Variants in CLPSL1 observed in about 807,000 individuals in gnomAD.
CLPSL1 encodes the protein colipase like 1, also known as colipase-like protein 1.
A neutral mutation model predicts 9.3 loss-of-function variants in CLPSL1; 13 were observed. The ratio of observed to expected loss-of-function variants is 1.40; its 90% CI spans 0.91 to 2.22. The LOEUF (loss-of-function observed/expected upper bound fraction) is 2.22. Ranked by LOEUF, CLPSL1 falls within the 30% of genes most tolerant of loss-of-function variation. The probability of loss-of-function intolerance (pLI) is 0.00; values close to 1 mark genes in which losing one functional copy is unlikely to be tolerated. For missense variants in CLPSL1, 164 were observed against 146.6 expected, an observed-to-expected ratio of 1.12 and a Z score of -0.61; for synonymous variants, 58 against 56.9, an observed-to-expected ratio of 1.02 and a Z score of -0.08.
At chr6:35,788,397 A>G (rs940648285), downstream of CLPSL1, among the ~76,000 whole-genome samples, 3 of 152,276 alleles carry the variant, frequency 2.0e-5, no homozygotes, top group African/African-American at 7.2e-5. Context: ...TTTACACCTG[A>G]TATTCCAGTT....
chr6:35,781,903 G>T (rs1459125189), intron 1 of CLPSL1, among the ~76,000 whole-genome samples: 1 of 151,720 alleles, frequency 6.6e-6, no homozygotes, highest in African/African-American at 2.4e-5. Flanking sequence ...CCACTGCCAC[G>T]CCCAGCTAAT....
intron 1 of CLPSL1, among the ~76,000 whole-genome samples, chr6:35,784,196 A>G (rs1049989750): frequency 1.4e-4 from 22 of 152,150 alleles, no homozygotes; most frequent in African/African-American, 5.3e-4. Context: ...CTTCCATTCC[A>G]GGTCATAGGT....
chr6:35,788,038 TC>T lies in CLPSL1; in HGVS notation c.*30del. The T allele has an allele frequency of 6.4e-7, 1 of 1,550,456 alleles. No homozygotes were observed. On this transcript the variant is annotated 3_prime_UTR_variant, in exon 3 of 3. Coordinates refer to ENST00000373861, the MANE Select transcript of CLPSL1 (RefSeq NM_001010886.5). ...CTCCCTCCTTCTTGCTGCCTCCTCC[TC>T]CTCCACCTGCTCTCCTCCCTACCCA...
chr6:35,783,327 A>G lies in CLPSL1; in HGVS notation c.99+2118A>G, dbSNP rs1298790550. ...AGAGTTCGAGAACAGCCTGACCAAC[A>G]TGGTGAAAGCCCATCTCTACTAAAA... On this transcript the variant is annotated intron_variant, in intron 1 of 2. Coordinates refer to ENST00000373861, the MANE Select transcript of CLPSL1 (RefSeq NM_001010886.5). Among the ~76,000 whole-genome samples the G allele has an allele frequency of 2.0e-5, 3 of 152,208 alleles. No homozygotes were observed. In the East Asian group the frequency reaches 5.8e-4, roughly 29 times the overall value.
At position 35,781,058 on chromosome 6, in the gene CLPSL1, G is replaced by A. The variant is rs933484558; in HGVS notation, c.-53G>A. On this transcript the variant is annotated 5_prime_UTR_variant, in exon 1 of 3. Coordinates refer to ENST00000373861, the MANE Select transcript of CLPSL1 (RefSeq NM_001010886.5). ...CAGCTGGGAGGACACCCACATGGTC[G>A]GCGTGCAGGATATTTCGCTGGACCC... 152 of 1,602,256 alleles carry A rather than the reference G, an allele frequency of 9.5e-5. 1 individual carries two copies. In the Admixed American group the frequency reaches 2.2e-3, roughly 23 times the overall value.
At chr6:35,782,155 AG>A (rs1030616034) in intron 1 of CLPSL1, among the ~76,000 whole-genome samples, 12 of 152,304 alleles carry the variant, frequency 7.9e-5, no homozygotes, top group South Asian at 2.1e-4. Flanking sequence ...CCGGCAAAGC[AG>A]GGGGGTCTCT....
intron 1 of CLPSL1, among the ~76,000 whole-genome samples, chr6:35,785,229 G>A (rs1768045522): frequency 6.8e-6 from 1 of 147,896 alleles, no homozygotes. Context: ...CCAGGCTGGA[G>A]TGCAGTGGTG....
downstream of CLPSL1, among the ~76,000 whole-genome samples, chr6:35,794,038 C>CG (rs1428612975): frequency 3.3e-5 from 5 of 152,238 alleles, no homozygotes; most frequent in Non-Finnish European, 7.3e-5. Context: ...ATCATAAGGC[C>CG]GGGCACGGTG....
intron 1 of CLPSL1, among the ~76,000 whole-genome samples, chr6:35,782,406 G>A (rs6457850): frequency 0.35 from 52,616 of 152,162 alleles, 9,077 homozygotes; most frequent in Middle Eastern, 0.43. Flanking sequence ...AGCAGTGAAC[G>A]TGAGAGCAGA....
At chr6:35,788,331 A>G (rs1205606818), downstream of CLPSL1, among the ~76,000 whole-genome samples, 2 of 151,998 alleles carry the variant, frequency 1.3e-5, no homozygotes, top group Admixed American at 1.3e-4. Context: ...CTCCCTTCCC[A>G]CCCCAACCCC....
downstream of CLPSL1, among the ~76,000 whole-genome samples, chr6:35,793,901 G>T (rs1359258204): frequency 6.6e-6 from 1 of 152,270 alleles, no homozygotes; most frequent in Admixed American, 6.5e-5. Flanking sequence ...GGGCACCTCA[G>T]TACTGCCTAA....
chr6:35,791,342 G>A (rs896664297), downstream of CLPSL1, among the ~76,000 whole-genome samples: 1 of 152,258 alleles, frequency 6.6e-6, no homozygotes, highest in Admixed American at 6.5e-5. Flanking sequence ...CGGGCACGGG[G>A]GCTCACGCCT....
intron 1 of CLPSL1, among the ~76,000 whole-genome samples, chr6:35,784,601 A>G (rs1272304358): frequency 6.6e-6 from 1 of 152,184 alleles, no homozygotes; most frequent in East Asian, 1.9e-4. Context: ...TTAAAATTCA[A>G]CAAAATTTAA....
downstream of CLPSL1, among the ~76,000 whole-genome samples, chr6:35,790,507 T>C (rs144736349): frequency 4.6e-5 from 7 of 152,352 alleles, no homozygotes; most frequent in East Asian, 1.4e-3. Context: ...TTATTCAGAA[T>C]GTAGGGAAGT....
In CLPSL1 at chr6:35,787,872, C is replaced by T. The variant is rs373782315; in HGVS notation, c.228C>T (p.Phe76=). ...CAAAGTCCTGTCTTTCCCAGGTGTT[C>T]TTTGGCCAATATAGAGCGTGTCCCT... ...SEGSLCQTQV[F]FGQYRACPCL... is the part of the protein sequence containing the mutation. Residue 76 remains phenylalanine (F), a synonymous_variant, in exon 3 of 3, where the codon TTC becomes TTT. Coordinates refer to ENST00000373861, the MANE Select transcript of CLPSL1 (RefSeq NM_001010886.5). The T allele has an allele frequency of 9.5e-5, 153 of 1,609,850 alleles. No homozygotes were observed. Among genetic ancestry groups the T allele is most frequent in the Non-Finnish European group, 1.2e-4 (146 of 1,176,666 alleles).
rs1303870979 is a variant in CLPSL1, at chr6:35,787,217, C to T, written c.222+97C>T. ...TGGGGAGGAAAGAAGGGTAGGTGGG[C>T]GGAAATGCCCTGGAGCCTGGAATTC... On this transcript the variant is annotated intron_variant, in intron 2 of 2. Transcript: ENST00000373861. The T allele has an allele frequency of 1.5e-5, 21 of 1,392,054 alleles. No individual in the cohort carries two copies. In the African/African-American group the frequency reaches 1.5e-4, roughly 10 times the overall value. 86.2% of individuals were successfully genotyped at this position (1,392,054 alleles called of 1,614,324 possible). A position where few individuals can be genotyped will look rare whatever the true frequency, so the allele number is the denominator to read the frequency against.
intron 1 of CLPSL1, among the ~76,000 whole-genome samples, chr6:35,781,565 A>C (rs1767967856): frequency 6.6e-6 from 1 of 152,136 alleles, no homozygotes; most frequent in Non-Finnish European, 1.5e-5. Flanking sequence ...AAGAAAGATA[A>C]AAATCCTTGC....
At chr6:35,792,185 G>A (rs184414458), downstream of CLPSL1, among the ~76,000 whole-genome samples, 5 of 152,224 alleles carry the variant, frequency 3.3e-5, no homozygotes, top group African/African-American at 9.6e-5. Context: ...GAGGTGGGAG[G>A]ATCACTTGAG....
chr6:35,788,098 C>T lies in CLPSL1; in HGVS notation c.*88C>T, dbSNP rs1355418160. On this transcript the variant is annotated 3_prime_UTR_variant, in exon 3 of 3. Coordinates refer to ENST00000373861, the MANE Select transcript of CLPSL1 (RefSeq NM_001010886.5). ...TGTTCACCCTGTTCCCCAGAGCCTC[C>T]ACCATGAGTGGAGGGAAGTGGGGAG... is the stretch of plus-strand genomic sequence containing the variant. The T allele has an allele frequency of 1.8e-6, 2 of 1,124,670 alleles. No homozygotes were observed. Among genetic ancestry groups the T allele is most frequent in the African/African-American group, 1.5e-5 (1 of 65,066 alleles). 69.7% of individuals were successfully genotyped at this position (1,124,670 alleles called of 1,614,324 possible).
Sources: allele counts gnomAD v4.1 joint callset (sites outside exome capture counted in the v4.1 genomes callset), GRCh38; gene constraint gnomAD v4.1.1; transcripts MANE v1.5; gene names NCBI Gene and HGNC (gene_info 2026-07-23, HGNC 2026-07-21).